Variants in GRIN2B observed in about 807,000 individuals in gnomAD.
GRIN2B encodes glutamate receptor ionotropic, NMDA 2B.
Under a neutral mutation model 114.5 loss-of-function variants are expected in GRIN2B, and 5 were observed. That is an observed-to-expected ratio of 0.04 (90% CI 0.02 to 0.09). The LOEUF (loss-of-function observed/expected upper bound fraction) is 0.09, where lower values mean the gene tolerates loss of function less well. GRIN2B is among the 10% of genes least tolerant of loss of function. The pLI is 1.00. For missense variants in GRIN2B, 1,108 were observed against 1,943.5 expected (o/e 0.57, Z 8.08); for synonymous variants, 787 against 745.1 (o/e 1.06, Z -0.92).
rs559054069 is a variant in GRIN2B, at chr12:13,655,673, C to T, written c.1125+20072G>A. ...ACCTCTCTGGGCCTCATGTTGTTGG[C>T]CTATATTTGTTTTTGTCATATTAAA... On this transcript the variant is annotated intron_variant, in intron 5 of 13. Transcript: ENST00000609686. 2.6e-5 allele frequency among the ~76,000 whole-genome samples: 4 copies of T among 152,174 alleles called. No homozygotes were observed. The South Asian group carries it at 8.3e-4, about 32-fold the overall frequency.
chr12:13,898,902 C>G (rs967695999), intron 2 of GRIN2B, among the ~76,000 whole-genome samples: 1 of 152,206 alleles, frequency 6.6e-6, no homozygotes, highest in Non-Finnish European at 1.5e-5. Context: ...GAGCAAAACT[C>G]CGTCTCAAAA....
intron 10 of GRIN2B, among the ~76,000 whole-genome samples, chr12:13,585,437 G>A (rs1948907026): frequency 6.6e-6 from 1 of 152,168 alleles, no homozygotes; most frequent in Non-Finnish European, 1.5e-5. Flanking sequence ...TTACAGCCCA[G>A]CAGAGCTTCT....
chr12:13,811,254 T>A (rs1864723422), intron 3 of GRIN2B, among the ~76,000 whole-genome samples: 1 of 152,232 alleles, frequency 6.6e-6, no homozygotes, highest in Admixed American at 6.5e-5. Flanking sequence ...AATGACCTAG[T>A]CTTCTAAAGA....
At chr12:13,882,812 C>T (rs916866037) in intron 2 of GRIN2B, among the ~76,000 whole-genome samples, 1 of 152,142 alleles carries the variant, frequency 6.6e-6, no homozygotes, top group Non-Finnish European at 1.5e-5. Context: ...TTTAAGTTTA[C>T]AGTTCTATAG....
rs541930232 is a variant in GRIN2B, at chr12:13,889,904, C to T, written c.-18-23678G>A. Reference sequence around the variant, plus strand: ...GGAAACAATCCTCCCCTTCAGTGACCGTCATTCTCCAGCCTTGCTGCTCAG... The same window carrying T: ...GGAAACAATCCTCCCCTTCAGTGACTGTCATTCTCCAGCCTTGCTGCTCAG... On this transcript the variant is annotated intron_variant, in intron 2 of 13. Transcript: ENST00000609686. Among the ~76,000 whole-genome samples, 62 of 152,300 alleles carry T rather than the reference C, an allele frequency of 4.1e-4. 3 individuals carry two copies. In the South Asian group the frequency reaches 0.013, roughly 31 times the overall value.
intron 2 of GRIN2B, among the ~76,000 whole-genome samples, chr12:13,976,661 T>C (rs1319353191): frequency 6.6e-6 from 1 of 152,204 alleles, no homozygotes; most frequent in Admixed American, 6.5e-5. Flanking sequence ...TTCACCTGTC[T>C]CCTTTTATAG....
At chr12:13,581,126 A>G (rs1948842459) in intron 10 of GRIN2B, among the ~76,000 whole-genome samples, 1 of 152,210 alleles carries the variant, frequency 6.6e-6, no homozygotes. Flanking sequence ...ACATTCATGT[A>G]CAGGTTTTTG....
chr12:13,929,043 A>G (rs1367073119), intron 2 of GRIN2B, among the ~76,000 whole-genome samples: 1 of 152,266 alleles, frequency 6.6e-6, no homozygotes, highest in Non-Finnish European at 1.5e-5. Context: ...TAACTAAAAT[A>G]TTAAGAAACA....
At chr12:13,919,486 C>T (rs17834128) in intron 2 of GRIN2B, among the ~76,000 whole-genome samples, 22,718 of 152,138 alleles carry the variant, frequency 0.15, 1,846 homozygotes, top group Middle Eastern at 0.25. Flanking sequence ...CCTCAACGTT[C>T]TAGAAATAGT....
In GRIN2B at chr12:13,675,802, G is replaced by A. The variant is rs1201643405; in HGVS notation, c.1068C>T (p.Tyr356=). The A allele has an allele frequency of 6.2e-7, 1 of 1,612,170 alleles. No individual in the cohort carries two copies. The highest frequency in any genetic ancestry group is 1.1e-5 in the South Asian group (1 of 91,040). ...TTATCACCAGTTTCGGGTGCATCTG[G>A]TAGCCATCTTCACTGAAGGACAAAT... The part of the protein sequence containing the change: ...GRNLSFSEDG[Y]QMHPKLVIIL... The change falls in exon 5 of 14, where the codon TAC becomes TAT. Residue 356 remains tyrosine (Y), a synonymous_variant. Transcript: ENST00000609686.
intron 5 of GRIN2B, among the ~76,000 whole-genome samples, chr12:13,657,511 G>A (rs1036912632): frequency 1.3e-5 from 2 of 152,224 alleles, no homozygotes; most frequent in African/African-American, 4.8e-5. Flanking sequence ...ACACAAGCAG[G>A]TGTTTGGTGT....
intron 4 of GRIN2B, among the ~76,000 whole-genome samples, chr12:13,706,390 G>A (rs1950360392): frequency 6.6e-6 from 1 of 152,144 alleles, no homozygotes; most frequent in Non-Finnish European, 1.5e-5. Flanking sequence ...CCCAGTGGGA[G>A]ACTAAATGGT....
intron 10 of GRIN2B, among the ~76,000 whole-genome samples, chr12:13,593,745 A>G (rs1168259985): frequency 6.6e-6 from 1 of 152,216 alleles, no homozygotes; most frequent in African/African-American, 2.4e-5. Flanking sequence ...TGAACTGGCA[A>G]CCTACAGAAT....
chr12:13,911,274 T>C (rs1420752518), intron 2 of GRIN2B, among the ~76,000 whole-genome samples: 1 of 152,100 alleles, frequency 6.6e-6, no homozygotes, highest in Non-Finnish European at 1.5e-5. Flanking sequence ...GAACGAATGA[T>C]GACATAGGTG....
intron 10 of GRIN2B, among the ~76,000 whole-genome samples, chr12:13,578,703 C>T (rs573593068): frequency 6.8e-4 from 104 of 152,050 alleles, no homozygotes; most frequent in African/African-American, 2.3e-3. Flanking sequence ...CAATAGGTGA[C>T]GGAAACACAG....
intron 5 of GRIN2B, among the ~76,000 whole-genome samples, chr12:13,651,142 T>C (rs2136516647): frequency 6.6e-6 from 1 of 152,160 alleles, no homozygotes; most frequent in Non-Finnish European, 1.5e-5. Context: ...CAAGAATACA[T>C]CTGATTGTCT....
chr12:13,597,914 A>T (rs964617991), intron 10 of GRIN2B, among the ~76,000 whole-genome samples: 3 of 152,200 alleles, frequency 2.0e-5, no homozygotes, highest in African/African-American at 7.2e-5. Flanking sequence ...AGAAATAGGC[A>T]GGTTTGGCCC....
Position 13,563,350 on chromosome 12 carries a change from G to A in GRIN2B, c.3888C>T (p.Asn1296=), listed in dbSNP as rs1017710914. The A allele has an allele frequency of 6.2e-7, 1 of 1,614,200 alleles. No homozygotes were observed. Among genetic ancestry groups the A allele is most frequent in the Non-Finnish European group, 8.5e-7 (1 of 1,180,034 alleles). The part of the protein sequence containing the change: ...TNSKAQKKNR[N]KLRRQHSYDT... ...CGTAGGAGTGCTGCCGGCGCAGTTT[G>A]TTCCGGTTCTTCTTCTGGGCCTTGG... is the stretch of plus-strand genomic sequence containing the variant. Residue 1296 remains asparagine (N), a synonymous_variant, in exon 14 of 14, where the codon AAC becomes AAT. Coordinates refer to ENST00000609686, the MANE Select transcript of GRIN2B (RefSeq NM_000834.5).
At chr12:13,920,777 C>T (rs1166630786) in intron 2 of GRIN2B, among the ~76,000 whole-genome samples, 3 of 152,198 alleles carry the variant, frequency 2.0e-5, no homozygotes, top group Admixed American at 6.5e-5. Context: ...TGTAGCCCTT[C>T]GCTTACATTT....
Sources: allele counts gnomAD v4.1 joint callset (sites outside exome capture counted in the v4.1 genomes callset), GRCh38; gene constraint gnomAD v4.1.1; transcripts MANE v1.5; gene names NCBI Gene and HGNC (gene_info 2026-07-23, HGNC 2026-07-21).